The following ADGRL2 variants were observed in gnomAD, a reference collection of about 807,000 sequenced individuals.
The protein encoded by ADGRL2 is calcium-independent alpha-latrotoxin receptor 2.
In ADGRL2, 44 loss-of-function variants were observed where a neutral mutation model predicts 157.4. The observed-to-expected ratio is 0.28, with a 90% CI of 0.22 to 0.36. The LOEUF is 0.36. ADGRL2 is among the 10% of genes least tolerant of loss of function. The pLI is 1.00. For missense variants in ADGRL2, 1,510 were observed against 1,768.9 expected (o/e 0.85, Z 2.63); for synonymous variants, 585 against 624.7 (o/e 0.94, Z 0.95).
chr1:81,636,757 G>A (rs969446662), intron 3 of ADGRL2, among the ~76,000 whole-genome samples: 4 of 152,112 alleles, frequency 2.6e-5, no homozygotes, highest in African/African-American at 9.7e-5. Flanking sequence ...AAATGCTAAT[G>A]TGCATTTTCA....
At chr1:81,435,093 T>A (rs1042750500) in intron 1 of ADGRL2, among the ~76,000 whole-genome samples, 26 of 152,360 alleles carry the variant, frequency 1.7e-4, no homozygotes, top group African/African-American at 5.5e-4. Flanking sequence ...TAGACAGCTT[T>A]ACAGTTTCTG....
At chr1:81,835,473 G>C (rs1245930351) in intron 1 of ADGRL2, among the ~76,000 whole-genome samples, 1 of 152,120 alleles carries the variant, frequency 6.6e-6, no homozygotes, top group African/African-American at 2.4e-5. Context: ...GTAAACTGCA[G>C]GTTCACTTTT....
At chr1:81,477,923 T>C (rs2078306228) in intron 2 of ADGRL2, among the ~76,000 whole-genome samples, 1 of 152,178 alleles carries the variant, frequency 6.6e-6, no homozygotes, top group East Asian at 1.9e-4. Flanking sequence ...CAGCGTCATC[T>C]TGTGTGGCTC....
At chr1:81,691,359 G>C (rs949464135) in intron 3 of ADGRL2, among the ~76,000 whole-genome samples, 1 of 151,426 alleles carries the variant, frequency 6.6e-6, no homozygotes, top group South Asian at 2.1e-4. Context: ...ATTGGTTAAA[G>C]ATAAAGCATT....
At chr1:81,711,480 A>C (rs1196967861) in intron 1 of ADGRL2, among the ~76,000 whole-genome samples, 1 of 152,224 alleles carries the variant, frequency 6.6e-6, no homozygotes, top group Non-Finnish European at 1.5e-5. Context: ...TTTGTCATAT[A>C]GAATATTAAA....
In ADGRL2 at chr1:81,844,344, C is replaced by T. The variant is rs150926832; in HGVS notation, c.73+7287C>T. On this transcript the variant is annotated intron_variant, in intron 2 of 23. Coordinates refer to ENST00000686636, the MANE Select transcript of ADGRL2 (RefSeq NM_001366006.2). ...CTGTGATTCTGTTAATTTCTCATTACTCATTAATTTCAGCATTGAAGCTCT... is the reference window on the plus strand; with the variant it reads ...CTGTGATTCTGTTAATTTCTCATTATTCATTAATTTCAGCATTGAAGCTCT... Among the ~76,000 whole-genome samples, 1,393 of 152,240 alleles carry T rather than the reference C, an allele frequency of 9.2e-3. 9 individuals carry two copies. Among genetic ancestry groups the T allele is most frequent in the Non-Finnish European group, 0.014 (967 of 67,996 alleles).
intron 3 of ADGRL2, among the ~76,000 whole-genome samples, chr1:81,663,380 C>G (rs944062661): frequency 2.6e-5 from 4 of 152,148 alleles, no homozygotes; most frequent in Non-Finnish European, 5.9e-5. Context: ...ATACACCTCT[C>G]GCCTACGAAT....
chr1:81,683,962 G>A (rs950690489), intron 3 of ADGRL2, among the ~76,000 whole-genome samples: 11 of 152,032 alleles, frequency 7.2e-5, no homozygotes, highest in South Asian at 2.1e-4. Flanking sequence ...GATTACAGGC[G>A]CACGCCACCA....
intron 2 of ADGRL2, among the ~76,000 whole-genome samples, chr1:81,534,128 TATTTTATTTTATTTC>T (rs2079674504): frequency 6.6e-6 from 1 of 152,144 alleles, no homozygotes; most frequent in South Asian, 2.1e-4. Context: ...AATTACAAGT[TATTTTATTTTATTTC>T]ATTTTATTTT....
At chr1:81,311,112 T>A (rs1659724119) in intron 1 of ADGRL2, among the ~76,000 whole-genome samples, 1 of 152,196 alleles carries the variant, frequency 6.6e-6, no homozygotes, top group Non-Finnish European at 1.5e-5. Flanking sequence ...CTCTGAAATG[T>A]ATTAGCAATC....
At chr1:81,501,697 A>G in intron 2 of ADGRL2, 1 of 1,592,378 alleles carries the variant, frequency 6.3e-7, no homozygotes, top group East Asian at 2.2e-5. Context: ...GCACAGGTTT[A>G]GACCCAGTGT....
At chr1:81,942,134 G>T (rs1648245757) in intron 5 of ADGRL2, 89 bp downstream of exon 5, 2 of 552,526 alleles carry the variant, frequency 3.6e-6, no homozygotes, top group Non-Finnish European at 6.7e-6. Flanking sequence ...CAACACTCCT[G>T]TATTAAAATA....
intron 1 of ADGRL2, among the ~76,000 whole-genome samples, chr1:81,758,131 A>T (rs1242940720): frequency 6.6e-6 from 1 of 152,188 alleles, no homozygotes; most frequent in Non-Finnish European, 1.5e-5. Context: ...GCTTTCCCAC[A>T]TGAAGTGCAA....
At chr1:81,501,455 A>T (rs2078844572) in intron 2 of ADGRL2, among the ~76,000 whole-genome samples, 1 of 152,196 alleles carries the variant, frequency 6.6e-6, no homozygotes, top group East Asian at 1.9e-4. Context: ...TTGAAATTCC[A>T]TTTTAGTGAG....
chr1:81,542,237 T>C (rs1200112713), intron 2 of ADGRL2, among the ~76,000 whole-genome samples: 1 of 152,140 alleles, frequency 6.6e-6, no homozygotes, highest in African/African-American at 2.4e-5. Flanking sequence ...GTAACGTGTA[T>C]ATCTCTCCAA....
At chr1:81,624,597 T>C (rs770275302) in intron 3 of ADGRL2, among the ~76,000 whole-genome samples, 11 of 151,694 alleles carry the variant, frequency 7.3e-5, no homozygotes, top group Non-Finnish European at 1.6e-4. Flanking sequence ...ATTGCTGACG[T>C]TGTGAAAACA....
chr1:81,801,766 T>G (rs1278837313), intron 1 of ADGRL2, among the ~76,000 whole-genome samples: 1 of 152,110 alleles, frequency 6.6e-6, no homozygotes, highest in East Asian at 1.9e-4. Context: ...CAAACTGAGT[T>G]GGCCTCGCGC....
chr1:81,400,610 A>G (rs1298820125), intron 1 of ADGRL2, among the ~76,000 whole-genome samples: 2 of 152,002 alleles, frequency 1.3e-5, no homozygotes, highest in Non-Finnish European at 2.9e-5. Flanking sequence ...CAGGGGATGA[A>G]GTGCTACATA....
chr1:81,528,688 G>C, intron 2 of ADGRL2, among the ~76,000 whole-genome samples: 1 of 148,292 alleles, frequency 6.7e-6, no homozygotes, highest in African/African-American at 2.5e-5. Flanking sequence ...AAAAGAAACT[G>C]GCCCTTATTC....
Sources: allele counts gnomAD v4.1 joint callset (sites outside exome capture counted in the v4.1 genomes callset), GRCh38; gene constraint gnomAD v4.1.1; transcripts MANE v1.5; gene names NCBI Gene and HGNC (gene_info 2026-07-23, HGNC 2026-07-21).